NR3C1: variants seen among roughly 807,000 people sequenced by gnomAD.
NR3C1 encodes nuclear receptor subfamily 3 group C member 1, also known as glucocorticoid receptor.
A neutral mutation model predicts 74.0 loss-of-function variants in NR3C1; 14 were observed. The observed-to-expected ratio is 0.19, with a 90% CI of 0.12 to 0.30. The LOEUF (loss-of-function observed/expected upper bound fraction) is 0.30. NR3C1 is among the 10% of genes least tolerant of loss of function. The probability of loss-of-function intolerance (pLI) is 1.00; values close to 1 mark genes in which losing one functional copy is unlikely to be tolerated. For synonymous variants in NR3C1, 308 were observed against 332.5 expected, an observed-to-expected ratio of 0.93 and a Z score of 0.80; for missense variants, 695 against 909.8, an observed-to-expected ratio of 0.76 and a Z score of 3.04.
chr5:143,304,444 T>C (rs1261725330), intron 4 of NR3C1, among the ~76,000 whole-genome samples: 2 of 152,170 alleles, frequency 1.3e-5, no homozygotes, highest in African/African-American at 4.8e-5. Flanking sequence ...TCCATGCTCA[T>C]GGACTGGTAG....
chr5:143,424,779 G>C (rs1444495708), intron 1 of NR3C1, among the ~76,000 whole-genome samples: 1 of 152,140 alleles, frequency 6.6e-6, no homozygotes, highest in Non-Finnish European at 1.5e-5. Flanking sequence ...TGTTAGAATA[G>C]AGATGAAATC....
chr5:143,304,779 T>A (rs1483738920), intron 4 of NR3C1, among the ~76,000 whole-genome samples: 1 of 151,922 alleles, frequency 6.6e-6, no homozygotes, highest in Non-Finnish European at 1.5e-5. Context: ...TACACAAAGT[T>A]GATAAAAATA....
chr5:143,288,966 A>G (rs896654467), intron 7 of NR3C1, among the ~76,000 whole-genome samples: 5 of 150,892 alleles, frequency 3.3e-5, no homozygotes, highest in African/African-American at 1.2e-4. Flanking sequence ...TTAGCCAAGC[A>G]TGATGGTGGG....
intron 1 of NR3C1, among the ~76,000 whole-genome samples, chr5:143,413,655 A>G (rs999057098): frequency 6.6e-6 from 1 of 152,284 alleles, no homozygotes; most frequent in Non-Finnish European, 1.5e-5. Flanking sequence ...ACTTCAGTGG[A>G]AAGAGTTCTT....
At chr5:143,383,495 GGGT>G (rs1406943357) in intron 2 of NR3C1, among the ~76,000 whole-genome samples, 1 of 152,188 alleles carries the variant, frequency 6.6e-6, no homozygotes, top group Non-Finnish European at 1.5e-5. Context: ...AACATTTACT[GGGT>G]ACCTACTATG....
intron 1 of NR3C1, among the ~76,000 whole-genome samples, chr5:143,413,087 A>G (rs1373299477): frequency 6.6e-6 from 1 of 152,216 alleles, no homozygotes; most frequent in East Asian, 1.9e-4. Flanking sequence ...CTGCAGGGAT[A>G]TCAAAATGAT....
intron 7 of NR3C1, among the ~76,000 whole-genome samples, chr5:143,294,702 C>T (rs1361088541): frequency 6.6e-6 from 1 of 152,066 alleles, no homozygotes; most frequent in East Asian, 1.9e-4. Context: ...CACAGTTTTG[C>T]CTTTTATGGA....
intron 2 of NR3C1, among the ~76,000 whole-genome samples, chr5:143,397,434 A>G (rs61751170): frequency 1.8e-4 from 27 of 151,912 alleles, no homozygotes; most frequent in African/African-American, 6.3e-4. Context: ...AATTTTAGCT[A>G]TATCAGGGCT....
chr5:143,423,952 G>C (rs1224558615), intron 1 of NR3C1, among the ~76,000 whole-genome samples: 1 of 150,042 alleles, frequency 6.7e-6, no homozygotes. Context: ...GTAGTGGGGA[G>C]GGGGGATAAA....
chr5:143,429,202 T>G (rs1466852979), intron 1 of NR3C1, among the ~76,000 whole-genome samples: 3 of 152,234 alleles, frequency 2.0e-5, no homozygotes, highest in Non-Finnish European at 4.4e-5. Flanking sequence ...TTATTCATTT[T>G]ATAGATGAGG....
chr5:143,343,506 T>A (rs1210262372), intron 2 of NR3C1, among the ~76,000 whole-genome samples: 1 of 152,166 alleles, frequency 6.6e-6, no homozygotes, highest in African/African-American at 2.4e-5. Context: ...ACTATTATTA[T>A]CCCCATTATA....
intron 2 of NR3C1, among the ~76,000 whole-genome samples, chr5:143,380,905 T>C (rs1836101845): frequency 6.6e-6 from 1 of 151,806 alleles, no homozygotes; most frequent in Non-Finnish European, 1.5e-5. Flanking sequence ...AAGACAAGAG[T>C]GCCCACTGTT....
At chr5:143,339,908 C>T (rs924018156) in intron 2 of NR3C1, among the ~76,000 whole-genome samples, 4 of 152,086 alleles carry the variant, frequency 2.6e-5, no homozygotes, top group Non-Finnish European at 5.9e-5. Context: ...GAGACAGTAT[C>T]AAATGGCCTT....
chr5:143,286,748 T>TATCA (rs1362303978), intron 7 of NR3C1, among the ~76,000 whole-genome samples: 1 of 151,988 alleles, frequency 6.6e-6, no homozygotes, highest in Non-Finnish European at 1.5e-5. Flanking sequence ...TGAATTAGTC[T>TATCA]ATCAATCAAC....
At chr5:143,401,221 T>C (rs1200393564) in intron 1 of NR3C1, 2 of 246,192 alleles carry the variant, frequency 8.1e-6, no homozygotes, top group East Asian at 1.9e-4. Context: ...AAGTATTTAA[T>C]TTCAAAAAAA....
In NR3C1 at chr5:143,364,150, C is replaced by T. The variant is rs1413494805; in HGVS notation, c.1184+35506G>A. ...TGAATCTTGAAAGCAGCACGACAAG[C>T]AAGTCATTACAAACAAGTGATCCTC... is the stretch of plus-strand genomic sequence containing the variant. On this transcript the variant is annotated intron_variant, in intron 2 of 8. Coordinates refer to ENST00000394464, the MANE Select transcript of NR3C1 (RefSeq NM_000176.3). Among the ~76,000 whole-genome samples the T allele has an allele frequency of 2.6e-5, 4 of 152,138 alleles. No homozygotes were observed. In the East Asian group the frequency reaches 7.7e-4, roughly 29 times the overall value.
rs545970636 is a variant in NR3C1 at position 143,385,053 on chromosome 5, C to A, written c.1184+14603G>T. On this transcript the variant is annotated intron_variant, in intron 2 of 8. Transcript: ENST00000394464. Reference sequence around the variant, plus strand: ...CTCTTGCCTTCTGCACACCCATAGGCCCAACACCACATGAAGGCTGCCAAG... The same window carrying A: ...CTCTTGCCTTCTGCACACCCATAGGACCAACACCACATGAAGGCTGCCAAG... Among the ~76,000 whole-genome samples, 4 of 152,314 alleles carry A rather than the reference C, an allele frequency of 2.6e-5. No homozygotes were observed. In the South Asian group the frequency reaches 8.3e-4, roughly 32 times the overall value.
intron 2 of NR3C1, among the ~76,000 whole-genome samples, chr5:143,381,687 C>G (rs149735053): frequency 1.2e-4 from 19 of 152,214 alleles, no homozygotes; most frequent in African/African-American, 1.9e-4. Flanking sequence ...AGGGAAAGGA[C>G]AGTCTCTTCA....
chr5:143,299,343 TAA>T (rs374503509), intron 5 of NR3C1, among the ~76,000 whole-genome samples: 58 of 127,216 alleles, frequency 4.6e-4, no homozygotes, highest in Admixed American at 8.1e-4. Context: ...GCTTTTAATG[TAA>T]AAAAAAAAAA....
Sources: gnomAD v4.1 joint callset for allele counts (sites outside exome capture counted in the v4.1 genomes callset) on GRCh38, gnomAD v4.1.1 for gene constraint, MANE v1.5 for transcripts, NCBI Gene and HGNC (gene_info 2026-07-23, HGNC 2026-07-21) for gene names.